PCCA: variants seen among roughly 807,000 people sequenced by gnomAD.
PCCA encodes propionyl-CoA carboxylase subunit alpha, also known as propionyl-CoA carboxylase alpha chain, mitochondrial.
A neutral mutation model predicts 101.3 loss-of-function variants in PCCA; 74 were observed. The ratio of observed to expected loss-of-function variants is 0.73; its 90% CI spans 0.61 to 0.89. The LOEUF (loss-of-function observed/expected upper bound fraction) is 0.89. PCCA is among the 40% of genes least tolerant of loss of function. PCCA has a pLI of 0.00. For synonymous variants in PCCA, 294 were observed against 313.6 expected (o/e 0.94, Z 0.66); for missense variants, 891 against 907.0 (o/e 0.98, Z 0.23).
intron 18 of PCCA, among the ~76,000 whole-genome samples, chr13:100,364,550 A>G (rs962383852): frequency 1.3e-5 from 2 of 152,240 alleles, no homozygotes; most frequent in African/African-American, 2.4e-5. Context: ...TAACTGGCAT[A>G]TATGCCCAAC....
intron 21 of PCCA, among the ~76,000 whole-genome samples, chr13:100,504,875 G>A (rs1001445233): frequency 2.0e-5 from 3 of 152,158 alleles, no homozygotes; most frequent in Non-Finnish European, 2.9e-5. Flanking sequence ...GGAGGCTGCA[G>A]TGAGCCAAGA....
intron 22 of PCCA, among the ~76,000 whole-genome samples, chr13:100,523,687 G>T (rs935539626): frequency 2.6e-5 from 4 of 152,218 alleles, no homozygotes. Context: ...CGTGTCAAAG[G>T]AGAGGACGCA....
chr13:100,352,296 G>A (rs956054250), intron 18 of PCCA, among the ~76,000 whole-genome samples: 1 of 151,826 alleles, frequency 6.6e-6, no homozygotes, highest in African/African-American at 2.4e-5. Flanking sequence ...GGCATAAATA[G>A]GTCAATTGTA....
intron 21 of PCCA, among the ~76,000 whole-genome samples, chr13:100,488,357 T>C (rs988841208): frequency 3.3e-5 from 5 of 152,216 alleles, no homozygotes; most frequent in African/African-American, 9.6e-5. Flanking sequence ...CTTCCCAAAG[T>C]GCTAGGATTT....
chr13:100,151,501 A>C (rs2053315639), intron 4 of PCCA, among the ~76,000 whole-genome samples: 1 of 152,070 alleles, frequency 6.6e-6, no homozygotes, highest in African/African-American at 2.4e-5. Context: ...CTGAGGCAGG[A>C]GAATCGCTTG....
chr13:100,456,667 G>A (rs1402391699), intron 21 of PCCA, among the ~76,000 whole-genome samples: 2 of 152,112 alleles, frequency 1.3e-5, no homozygotes. Flanking sequence ...AGAGAGAGAA[G>A]GCAGCATACG....
At chr13:100,508,331 G>A (rs1190790658) in intron 21 of PCCA, among the ~76,000 whole-genome samples, 1 of 152,098 alleles carries the variant, frequency 6.6e-6, no homozygotes, top group African/African-American at 2.4e-5. Flanking sequence ...TCCTATTTGT[G>A]TTAATTTTTC....
intron 1 of PCCA, among the ~76,000 whole-genome samples, chr13:100,094,984 C>A (rs1182739954): frequency 1.3e-5 from 2 of 152,198 alleles, no homozygotes; most frequent in East Asian, 1.9e-4. Context: ...AATTCATTCT[C>A]CCACAGTACT....
At chr13:100,527,305 G>A (rs564253921) in intron 22 of PCCA, 45 of 475,012 alleles carry the variant, frequency 9.5e-5, no homozygotes, top group African/African-American at 5.2e-4. Context: ...AGGCAACCTC[G>A]AGTCTGTCTG....
intron 4 of PCCA, among the ~76,000 whole-genome samples, chr13:100,116,275 A>G (rs528356827): frequency 6.6e-6 from 1 of 152,330 alleles, no homozygotes; most frequent in South Asian, 2.1e-4. Flanking sequence ...TTAATTTCAC[A>G]TGTGGAAATG....
At chr13:100,273,536 C>A (rs1311934347) in intron 12 of PCCA, among the ~76,000 whole-genome samples, 190 bp downstream of exon 12, 1 of 152,152 alleles carries the variant, frequency 6.6e-6, no homozygotes. Context: ...AATGTCTAGA[C>A]CTCTGCTTTG....
At chr13:100,280,327 T>A (rs1468323942) in intron 12 of PCCA, among the ~76,000 whole-genome samples, 1 of 152,136 alleles carries the variant, frequency 6.6e-6, no homozygotes, top group Non-Finnish European at 1.5e-5. Flanking sequence ...AGCCCTGATT[T>A]TTCCCCCAGA....
At chr13:100,516,759 GTAA>G (rs757571523) in intron 22 of PCCA, among the ~76,000 whole-genome samples, 2,637 of 147,492 alleles carry the variant, frequency 0.018, 93 homozygotes, top group African/African-American at 0.062. Context: ...GTGTGTGTGT[GTAA>G]TGTGTGTAAA....
intron 20 of PCCA, among the ~76,000 whole-genome samples, chr13:100,444,431 C>CTTTT (rs57941571): frequency 2.2e-5 from 1 of 45,400 alleles, no homozygotes; most frequent in East Asian, 7.6e-4. Flanking sequence ...TTTGAACAAC[C>CTTTT]TTTTTTTTTT....
At chr13:100,408,317 C>A (rs1426501834) in intron 19 of PCCA, among the ~76,000 whole-genome samples, 2 of 152,182 alleles carry the variant, frequency 1.3e-5, no homozygotes, top group Non-Finnish European at 2.9e-5. Flanking sequence ...CAGCTTGTAA[C>A]CTCAAAATAC....
intron 19 of PCCA, among the ~76,000 whole-genome samples, chr13:100,374,053 A>C (rs2152819142): frequency 6.6e-6 from 1 of 152,284 alleles, no homozygotes; most frequent in Admixed American, 6.5e-5. Context: ...TGGAGGTTGC[A>C]GTGAGCTGAG....
intron 7 of PCCA, among the ~76,000 whole-genome samples, chr13:100,226,835 TAATGTGTTTC>T (rs2060171608): frequency 6.6e-6 from 1 of 152,186 alleles, no homozygotes; most frequent in Admixed American, 6.5e-5. Flanking sequence ...GGTGCTGTTC[TAATGTGTTTC>T]AGCCTTGACT....
At chr13:100,340,077 G>C (rs2071071398) in intron 17 of PCCA, 80 bp from the exon 18 acceptor site, 2 of 827,300 alleles carry the variant, frequency 2.4e-6, no homozygotes, top group South Asian at 2.7e-5. Context: ...TTGTTTGAAT[G>C]ACTAGTAATT....
intron 21 of PCCA, among the ~76,000 whole-genome samples, chr13:100,468,256 A>G (rs2082694034): frequency 1.3e-5 from 2 of 152,314 alleles, no homozygotes; most frequent in Non-Finnish European, 2.9e-5. Context: ...TAGACTTAGC[A>G]TCATTCCTAA....
Sources: allele counts gnomAD v4.1 joint callset (sites outside exome capture counted in the v4.1 genomes callset), GRCh38; gene constraint gnomAD v4.1.1; transcripts MANE v1.5; gene names NCBI Gene and HGNC (gene_info 2026-07-23, HGNC 2026-07-21).